The following CHN1 variants were observed in gnomAD, a reference collection of about 807,000 sequenced individuals.
CHN1 encodes the protein N-chimaerin.
A neutral mutation model predicts 59.5 loss-of-function variants in CHN1; 37 were observed. That is an observed-to-expected ratio of 0.62 (90% CI 0.48 to 0.82). The LOEUF (loss-of-function observed/expected upper bound fraction) is 0.82. Among genes scored for constraint, CHN1 ranks in the 40% least tolerant of loss-of-function variants. CHN1 has a pLI of 0.00. For synonymous variants in CHN1, 206 were observed against 200.4 expected (o/e 1.03, Z -0.24); for missense variants, 469 against 571.0 (o/e 0.82, Z 1.82).
chr2:174,983,300 C>A (rs574309713), intron 1 of CHN1, among the ~76,000 whole-genome samples: 2 of 152,094 alleles, frequency 1.3e-5, no homozygotes, highest in Non-Finnish European at 2.9e-5. Context: ...AAGTTGTAAT[C>A]TTTTAGGAAT....
chr2:175,005,048 C>T lies in CHN1; in HGVS notation c.-136G>A, dbSNP rs1692020152. 7.3e-7 allele frequency: 1 copy of T among 1,375,048 alleles called. No homozygotes were observed. Among genetic ancestry groups the T allele is most frequent in the Non-Finnish European group, 9.4e-7 (1 of 1,061,010 alleles). The allele number at this position is 1,375,048 out of a possible 1,614,324, so 85.2% of individuals were successfully genotyped here. On this transcript the variant is annotated 5_prime_UTR_variant, in exon 1 of 13. Coordinates refer to ENST00000409900, the MANE Select transcript of CHN1 (RefSeq NM_001822.7). ...GGGGCGTGCTGGGGGCGCCGGCGCC[C>T]GGGGAGGCTGCAGGCCGGGACGCGG...
chr2:174,880,385 G>C (rs1687696869), intron 5 of CHN1, among the ~76,000 whole-genome samples: 1 of 152,168 alleles, frequency 6.6e-6, no homozygotes, highest in South Asian at 2.1e-4. Context: ...AAGTTACCTA[G>C]GAACAGCACC....
At chr2:174,989,023 A>G (rs187505707) in intron 1 of CHN1, among the ~76,000 whole-genome samples, 62 of 152,322 alleles carry the variant, frequency 4.1e-4, no homozygotes, top group Non-Finnish European at 7.4e-4. Context: ...CAATCTGCTA[A>G]AAGTCCTATG....
chr2:174,877,850 G>A lies in CHN1; in HGVS notation c.539C>T (p.Ser180Leu), dbSNP rs745463225. 5.6e-6 allele frequency: 9 copies of A among 1,611,180 alleles called. No individual in the cohort carries two copies. The change falls in exon 6 of 13, where the codon TCA becomes TTA. Residue 180 changes from serine (S) to leucine (L), a missense_variant. This residue lies in a region of CHN1 where 81 missense variants were observed against 71.7 expected (regional missense o/e 1.13). Coordinates refer to ENST00000409900, the MANE Select transcript of CHN1 (RefSeq NM_001822.7). ...ERDSTGQDGVSEKRLTSLVRR... is the reference protein window; with the variant it reads ...ERDSTGQDGVLEKRLTSLVRR... The stretch of plus-strand genomic sequence containing the variant: ...TTCATAGTAGCTTACCCTTTTCTCT[G>A]ACACCCCATCCTGGCCTGTAGAATC...
intron 7 of CHN1, among the ~76,000 whole-genome samples, chr2:174,834,855 T>C (rs1686019740): frequency 6.6e-6 from 1 of 152,240 alleles, no homozygotes. Context: ...AGTATGCACA[T>C]TTAAGATTCT....
At chr2:174,897,840 A>G (rs569155715) in intron 5 of CHN1, among the ~76,000 whole-genome samples, 198 of 152,310 alleles carry the variant, frequency 1.3e-3, no homozygotes, top group African/African-American at 4.7e-3. Flanking sequence ...TGGTGAAAAA[A>G]AGAGGCAGGG....
intron 2 of CHN1, among the ~76,000 whole-genome samples, chr2:174,949,006 G>A (rs1689935635): frequency 6.6e-6 from 1 of 152,100 alleles, no homozygotes; most frequent in Non-Finnish European, 1.5e-5. Context: ...TAAGGATACT[G>A]AACAATGCCT....
chr2:174,830,942 T>A (rs1685859634), intron 7 of CHN1, among the ~76,000 whole-genome samples: 1 of 152,072 alleles, frequency 6.6e-6, no homozygotes. Context: ...GTAAGAAAAC[T>A]GTTCAAAATT....
At chr2:174,863,086 G>C (rs1687116134) in intron 6 of CHN1, among the ~76,000 whole-genome samples, 1 of 152,144 alleles carries the variant, frequency 6.6e-6, no homozygotes, top group South Asian at 2.1e-4. Flanking sequence ...AAACTTGACA[G>C]CTTCCTACTA....
intron 3 of CHN1, among the ~76,000 whole-genome samples, chr2:174,938,416 A>T (rs929180037): frequency 2.0e-5 from 3 of 152,216 alleles, no homozygotes; most frequent in African/African-American, 4.8e-5. Flanking sequence ...GCAAACCATT[A>T]GCATTAGTGG....
rs755420524 is a variant in CHN1 at position 174,846,380 on chromosome 2, T to C, written c.627+500A>G. ...AGTGTCAGCAGCATCAACAGTCCCA[T>C]GGTAGCCATCCTCCTTTCATCATGG... is the stretch of plus-strand genomic sequence containing the variant. On this transcript the variant is annotated intron_variant, in intron 7 of 12. Transcript: ENST00000409900. 3.9e-6 allele frequency: 6 copies of C among 1,547,718 alleles called. No individual in the cohort carries two copies. The African/African-American group carries it at 6.9e-5, about 18-fold the overall frequency.
intron 1 of CHN1, among the ~76,000 whole-genome samples, chr2:174,972,127 T>C (rs1029229432): frequency 2.0e-5 from 3 of 152,200 alleles, no homozygotes; most frequent in Admixed American, 1.3e-4. Context: ...GTCAGGTTCA[T>C]TCACGATGCT....
At chr2:174,862,292 G>C (rs1687090286) in intron 6 of CHN1, among the ~76,000 whole-genome samples, 1 of 151,284 alleles carries the variant, frequency 6.6e-6, no homozygotes, top group Non-Finnish European at 1.5e-5. Context: ...GGGTTTTTGA[G>C]ATACTAGGTA....
chr2:174,987,472 A>T (rs1415787827), intron 1 of CHN1, among the ~76,000 whole-genome samples: 1 of 151,350 alleles, frequency 6.6e-6, no homozygotes, highest in Non-Finnish European at 1.5e-5. Flanking sequence ...CAGTGGCGCA[A>T]TCTCGGCTCA....
chr2:174,896,311 C>A (rs1221659233), intron 5 of CHN1, among the ~76,000 whole-genome samples: 1 of 152,112 alleles, frequency 6.6e-6, no homozygotes, highest in Non-Finnish European at 1.5e-5. Flanking sequence ...TGCTTCACAT[C>A]TTTATCTGTA....
At chr2:174,864,703 G>A (rs1030099151) in intron 6 of CHN1, among the ~76,000 whole-genome samples, 8 of 151,798 alleles carry the variant, frequency 5.3e-5, no homozygotes, top group African/African-American at 1.2e-4. Flanking sequence ...AAACCCCATC[G>A]CTACAAAAAA....
chr2:174,961,706 G>A (rs1004585217), intron 1 of CHN1, among the ~76,000 whole-genome samples: 3 of 151,918 alleles, frequency 2.0e-5, no homozygotes, highest in African/African-American at 7.3e-5. Context: ...CAAAAAAATT[G>A]TTTTACATTC....
chr2:174,945,386 CATCT>C, intron 2 of CHN1: 1 of 157,080 alleles, frequency 6.4e-6, no homozygotes, highest in Non-Finnish European at 1.4e-5. Context: ...ATATTGCAAA[CATCT>C]ATCTTCAAAG....
intron 8 of CHN1, among the ~76,000 whole-genome samples, chr2:174,815,429 G>C (rs1219343780): frequency 2.6e-5 from 4 of 152,036 alleles, no homozygotes; most frequent in Non-Finnish European, 5.9e-5. Context: ...GTTTAACTTG[G>C]ATAATTTCTA....
Sources: allele counts gnomAD v4.1 joint callset (sites outside exome capture counted in the v4.1 genomes callset), GRCh38; gene constraint gnomAD v4.1.1; regional missense constraint gnomAD v4.1.1; transcripts MANE v1.5; gene names NCBI Gene and HGNC (gene_info 2026-07-23, HGNC 2026-07-21).